ZNF483: variants seen among roughly 807,000 people sequenced by gnomAD.
ZNF483 encodes the protein zinc finger protein 483.
ZNF483 carries 9 observed loss-of-function variants against 28.6 expected under a neutral mutation model. The ratio of observed to expected loss-of-function variants is 0.32; its 90% CI spans 0.19 to 0.55. The LOEUF (loss-of-function observed/expected upper bound fraction) is 0.55, where lower values mean the gene tolerates loss of function less well. ZNF483 is among the 20% of genes least tolerant of loss of function. The probability of loss-of-function intolerance (pLI) is 0.93; values close to 1 mark genes in which losing one functional copy is unlikely to be tolerated. For synonymous variants in ZNF483, 322 were observed against 306.2 expected (o/e 1.05, Z -0.54); for missense variants, 675 against 871.7 (o/e 0.77, Z 2.84).
rs368827456 is a variant in ZNF483 at position 111,561,084 on chromosome 9, A to AAT, written c.722-15255_722-15254dup. On this transcript the variant is annotated intron_variant, in intron 5 of 5. Coordinates refer to the ZNF483 transcript ENST00000358151. ...GGCAACAGAGTGAGACTCCATCTAA[A>AAT]ATATATATATATATATATATATATA... is the stretch of plus-strand genomic sequence containing the variant. Among the ~76,000 whole-genome samples, 186 of 20,326 alleles carry AAT rather than the reference A, an allele frequency of 9.2e-3. 12 individuals are homozygous for AAT. Among genetic ancestry groups the AAT allele is most frequent in the Admixed American group, 0.026 (46 of 1,802 alleles). The allele number at this position is 20,326 out of a possible 152,430, so 13.3% of individuals were successfully genotyped here.
intron 3 of ZNF483, among the ~76,000 whole-genome samples, chr9:111,531,700 G>A (rs1827351077): frequency 6.6e-6 from 1 of 152,096 alleles, no homozygotes; most frequent in Non-Finnish European, 1.5e-5. Context: ...TTTAAGAGAT[G>A]GGGTCTTGTT....
chr9:111,560,910 T>C (rs1475926422), intron 5 of ZNF483, among the ~76,000 whole-genome samples: 2 of 137,368 alleles, frequency 1.5e-5, no homozygotes, highest in African/African-American at 5.6e-5. Context: ...ACCACTGCAC[T>C]CCAGCCTGGG....
chr9:111,539,526 G>T (rs1327550757), intron 5 of ZNF483: 3 of 449,138 alleles, frequency 6.7e-6, no homozygotes, highest in Non-Finnish European at 1.3e-5. Flanking sequence ...CACTTTGGGA[G>T]GCCAAGGCAG....
chr9:111,577,891 G>C (rs1323685381), downstream of ZNF483: 1 of 152,088 alleles, frequency 6.6e-6, no homozygotes. Context: ...CTATGATATG[G>C]ATGAAACTTG....
chr9:111,550,704 C>G lies in ZNF483; in HGVS notation c.*7534C>G, dbSNP rs1481185449. 1.3e-5 allele frequency among the ~76,000 whole-genome samples: 2 copies of G among 152,190 alleles called. No individual in the cohort carries two copies. The highest frequency in any genetic ancestry group is 4.8e-5 in the African/African-American group (2 of 41,444). On this transcript the variant is annotated 3_prime_UTR_variant, in exon 6 of 6. Coordinates refer to ENST00000309235, the MANE Select transcript of ZNF483 (RefSeq NM_133464.5). ...CCTGCTTTCTTGAAGATTTCTTCAACTTTATCTTCCAGCTCTACTATTAAA... is the reference window on the plus strand; with the variant it reads ...CCTGCTTTCTTGAAGATTTCTTCAAGTTTATCTTCCAGCTCTACTATTAAA...
chr9:111,542,339 G>A lies in ZNF483; in HGVS notation c.1404G>A (p.Met468Ile). Residue 468 changes from methionine (M) to isoleucine (I), a missense_variant, in exon 6 of 6, where the codon ATG (methionine) becomes ATA (isoleucine). Met to Ile is a conservative substitution (Grantham distance 10, BLOSUM62 1). Around this residue, in one of 6 missense-constraint regions of ZNF483, gnomAD observed 525 missense variants for 581.8 expected, o/e 0.90. Transcript: ENST00000309235. The surrounding 1 kb of genome is among the most constrained non-coding windows in gnomAD (Gnocchi z 6.2). ...RRIHTGEKPY[M>I]CNECGKAFSD... is the part of the protein sequence containing the mutation. ...TTCACACTGGAGAAAAACCCTATAT[G>A]TGTAATGAATGTGGAAAAGCTTTTA... 1 of 1,614,090 alleles carries A rather than the reference G, an allele frequency of 6.2e-7. No individual in the cohort carries two copies. Among genetic ancestry groups the A allele is most frequent in the Non-Finnish European group, 8.5e-7 (1 of 1,180,026 alleles).
intron 5 of ZNF483, among the ~76,000 whole-genome samples, chr9:111,541,256 AT>A (rs1455936475): frequency 6.6e-6 from 1 of 151,894 alleles, no homozygotes; most frequent in African/African-American, 2.4e-5. Flanking sequence ...CACCCAGCTA[AT>A]TTTTTGTATT....
chr9:111,531,565 C>G (rs1013672401), intron 3 of ZNF483, among the ~76,000 whole-genome samples: 14 of 151,978 alleles, frequency 9.2e-5, no homozygotes, highest in Non-Finnish European at 1.9e-4. Context: ...TTAGTAGAGA[C>G]GGGGTTTCAC....
intron 1 of ZNF483, 59 bp from the exon 2 acceptor site, chr9:111,527,209 T>C: frequency 1.8e-6 from 1 of 556,344 alleles, no homozygotes; most frequent in Non-Finnish European, 3.0e-6. Flanking sequence ...AGAACGATGT[T>C]TTTAGGACTA....
intron 5 of ZNF483, among the ~76,000 whole-genome samples, chr9:111,564,488 T>A (rs1217136204): frequency 6.6e-6 from 1 of 151,710 alleles, no homozygotes; most frequent in Non-Finnish European, 1.5e-5. Context: ...TTAGTTTTTG[T>A]AGAGACGGGG....
intron 5 of ZNF483, among the ~76,000 whole-genome samples, chr9:111,569,610 A>G (rs2132344920): frequency 6.6e-6 from 1 of 152,270 alleles, no homozygotes; most frequent in Non-Finnish European, 1.5e-5. Flanking sequence ...CTAAAAATAC[A>G]AAAAGTTAGC....
At chr9:111,538,967 G>A (rs1827593990) in intron 5 of ZNF483, among the ~76,000 whole-genome samples, 1 of 152,012 alleles carries the variant, frequency 6.6e-6, no homozygotes, top group Non-Finnish European at 1.5e-5. Flanking sequence ...GCAAAAATTA[G>A]CCAGGCGTGG....
chr9:111,534,718 CTTTTTT>C (rs67740162), intron 5 of ZNF483, among the ~76,000 whole-genome samples: 6 of 88,130 alleles, frequency 6.8e-5, no homozygotes, highest in African/African-American at 1.8e-4. Flanking sequence ...GTCGTTCTAT[CTTTTTT>C]TTTTTTTTTT....
At chr9:111,529,127 A>G (rs1827254649) in intron 2 of ZNF483, among the ~76,000 whole-genome samples, 1 of 133,592 alleles carries the variant, frequency 7.5e-6, no homozygotes, top group East Asian at 2.1e-4. Flanking sequence ...ATAACAGCGA[A>G]ACTCCGTCTC....
chr9:111,560,390 C>T (rs925805607), downstream of ZNF483, among the ~76,000 whole-genome samples: 7 of 150,180 alleles, frequency 4.7e-5, no homozygotes, highest in African/African-American at 9.8e-5. Context: ...AGGAGAATCG[C>T]GTGAACCCTG....
In ZNF483 at chr9:111,527,591, C is replaced by A. The variant is rs1394544644; in HGVS notation, c.196C>A (p.Pro66Thr). The change falls in exon 2 of 6, where the codon CCC (proline) becomes ACC (threonine). Residue 66 changes from proline (P) to threonine (T), a missense_variant. This residue lies in a region of ZNF483 where 525 missense variants were observed against 581.8 expected (regional missense o/e 0.90). Transcript: ENST00000309235. ...RWFCYSEVAG[P>T]RKALSQLWEL... Reference sequence around the variant, plus strand: ...GTTTTGTTACTCAGAAGTAGCTGGACCCAGGAAAGCTCTGAGTCAACTCTG... The same window carrying A: ...GTTTTGTTACTCAGAAGTAGCTGGAACCAGGAAAGCTCTGAGTCAACTCTG... 1 of 1,614,158 alleles carries A rather than the reference C, an allele frequency of 6.2e-7. No individual in the cohort carries two copies. Among genetic ancestry groups the A allele is most frequent in the Admixed American group, 1.7e-5 (1 of 60,012 alleles).
At position 111,544,056 on chromosome 9, in the gene ZNF483, C is replaced by T. The variant is rs900017017; in HGVS notation, c.*886C>T. ...CTTTTCCTTGAGGGAGTATTTTAAT[C>T]GGACAAGGGAACTCTTTTTCTTTTG... is the stretch of plus-strand genomic sequence containing the variant. On this transcript the variant is annotated 3_prime_UTR_variant, in exon 6 of 6. Coordinates refer to ENST00000309235, the MANE Select transcript of ZNF483 (RefSeq NM_133464.5). The T allele has an allele frequency of 2.6e-5, 26 of 985,352 alleles. No homozygotes were observed. The highest frequency in any genetic ancestry group is 3.1e-5 in the Non-Finnish European group (26 of 829,926). The allele number at this position is 985,352 out of a possible 1,614,324, so 61.0% of individuals were successfully genotyped here. A position where few individuals can be genotyped will look rare whatever the true frequency, so the allele number is the denominator to read the frequency against.
intron 5 of ZNF483, among the ~76,000 whole-genome samples, chr9:111,561,100 T>TAGAGAGAGAG (rs1589288997): frequency 9.5e-5 from 3 of 31,428 alleles, no homozygotes; most frequent in Non-Finnish European, 1.1e-4. Flanking sequence ...TATATATATA[T>TAGAGAGAGAG]ATATATATAT....
exon 6 of ZNF483, chr9:111,577,521 CATT>C (rs1829111454): frequency 6.6e-6 from 1 of 152,148 alleles, no homozygotes; most frequent in African/African-American, 2.4e-5. Flanking sequence ...TTCATAGTAA[CATT>C]ATACTTCATA....
Sources: allele counts gnomAD v4.1 joint callset (sites outside exome capture counted in the v4.1 genomes callset), GRCh38; gene constraint gnomAD v4.1.1; regional missense constraint gnomAD v4.1.1; non-coding constraint Gnocchi (gnomAD v3.1); transcripts MANE v1.5; gene names NCBI Gene and HGNC (gene_info 2026-07-23, HGNC 2026-07-21).